Variants in ZC3H12B observed in about 807,000 individuals in gnomAD.
ZC3H12B encodes probable ribonuclease ZC3H12B.
In ZC3H12B, 7 loss-of-function variants were observed where a neutral mutation model predicts 43.9. That is an observed-to-expected ratio of 0.16 (90% CI 0.09 to 0.30). The LOEUF (loss-of-function observed/expected upper bound fraction) is 0.30, where lower values mean the gene tolerates loss of function less well. ZC3H12B is among the 10% of genes least tolerant of loss of function. The pLI, the probability that ZC3H12B is intolerant of heterozygous loss-of-function variation, is 1.00. For synonymous variants in ZC3H12B, 222 were observed against 241.7 expected (o/e 0.92, Z 0.76); for missense variants, 475 against 670.2 (o/e 0.71, Z 3.22).
chrX:65,244,524 C>T, the ZC3H12B span, among the ~76,000 whole-genome samples: 2,760 of 108,226 alleles, frequency 0.026, 98 homozygotes, highest in African/African-American at 0.089. Context: ...GCAGAAGGAT[C>T]GCTTGAGCTC....
At chrX:65,341,064 C>G in the ZC3H12B span, among the ~76,000 whole-genome samples, 1 of 111,722 alleles carries the variant, frequency 9.0e-6, no homozygotes, top group African/African-American at 3.3e-5. Flanking sequence ...ATAATGCAAT[C>G]AAAAGTATTA....
chrX:65,478,408 A>G (rs1037550763), intron 3 of ZC3H12B, among the ~76,000 whole-genome samples: 8 of 111,396 alleles, frequency 7.2e-5, no homozygotes, highest in Non-Finnish European at 1.3e-4. Context: ...TTCTTTGCAT[A>G]TCTCATAATT....
At chrX:65,089,338 G>A in the ZC3H12B span, among the ~76,000 whole-genome samples, 1 of 111,625 alleles carries the variant, frequency 9.0e-6, no homozygotes, top group Non-Finnish European at 1.9e-5. Flanking sequence ...AATACTATAG[G>A]CAAATGTAAC....
At chrX:65,503,601 C>CCA (rs1375741368) in exon 5 of ZC3H12B, 2 of 116,482 alleles carry the variant, frequency 1.7e-5, no homozygotes, top group African/African-American at 7.0e-5. Context: ...TTTCTCTTTT[C>CCA]GTTTCTTTCT....
chrX:65,490,810 G>C (rs962229470), intron 1 of ZC3H12B, among the ~76,000 whole-genome samples: 1 of 111,037 alleles, frequency 9.0e-6, no homozygotes, highest in Non-Finnish European at 1.9e-5. Flanking sequence ...TAGGCAATCA[G>C]AACAAAGTGA....
At chrX:65,047,714 G>A in the ZC3H12B span, among the ~76,000 whole-genome samples, 2 of 110,237 alleles carry the variant, frequency 1.8e-5, no homozygotes, top group African/African-American at 6.6e-5. Context: ...ATATTTCAAT[G>A]ATATATATTT....
chrX:65,413,000 G>T (rs1026722320), intron 3 of ZC3H12B, among the ~76,000 whole-genome samples: 2 of 110,718 alleles, frequency 1.8e-5, no homozygotes, highest in African/African-American at 6.6e-5. Context: ...TGAGAGTGAA[G>T]TTGTACTCTA....
chrX:65,074,932 C>A, the ZC3H12B span, among the ~76,000 whole-genome samples: 3 of 112,174 alleles, frequency 2.7e-5, no homozygotes, highest in Admixed American at 2.8e-4. Flanking sequence ...ATTCATATAT[C>A]TCCTTTAGGG....
the ZC3H12B span, among the ~76,000 whole-genome samples, chrX:65,153,971 A>T: frequency 4.5e-5 from 5 of 111,130 alleles, no homozygotes; most frequent in Non-Finnish European, 9.4e-5. Flanking sequence ...TCAGTAAACT[A>T]TTGCAAGGAC....
At chrX:65,098,994 A>C in the ZC3H12B span, among the ~76,000 whole-genome samples, 1 of 111,443 alleles carries the variant, frequency 9.0e-6, no homozygotes, top group African/African-American at 3.3e-5. Flanking sequence ...TGAAATTCTC[A>C]CTGTCGGCAG....
At chrX:65,139,078 G>A in the ZC3H12B span, among the ~76,000 whole-genome samples, 1 of 112,298 alleles carries the variant, frequency 8.9e-6, no homozygotes, top group Admixed American at 9.4e-5. Flanking sequence ...CAGCTGTGCA[G>A]AAGCTTTTTA....
At chrX:65,227,997 A>T in the ZC3H12B span, among the ~76,000 whole-genome samples, 9,023 of 111,439 alleles carry the variant, frequency 0.081, 1,004 homozygotes, top group African/African-American at 0.29. Flanking sequence ...TATTCCAATC[A>T]AAAGAAAAAG....
chrX:65,454,359 C>T (rs1017642033), intron 3 of ZC3H12B, among the ~76,000 whole-genome samples: 1 of 112,323 alleles, frequency 8.9e-6, no homozygotes, highest in African/African-American at 3.2e-5. Flanking sequence ...GAGGGTCCTA[C>T]ACCCACAGAG....
At chrX:65,413,745 AT>A (rs1220525296) in intron 3 of ZC3H12B, among the ~76,000 whole-genome samples, 1 of 111,432 alleles carries the variant, frequency 9.0e-6, no homozygotes, top group African/African-American at 3.3e-5. Flanking sequence ...CTTTTTAAAG[AT>A]TTTTTTTGTG....
the ZC3H12B span, among the ~76,000 whole-genome samples, chrX:65,263,940 GA>G: frequency 2.7e-5 from 3 of 111,256 alleles, no homozygotes; most frequent in Non-Finnish European, 3.8e-5. Context: ...AGCAGAAAAA[GA>G]AAGTGTACTC....
the ZC3H12B span, among the ~76,000 whole-genome samples, chrX:65,067,968 T>C: frequency 9.0e-5 from 10 of 111,478 alleles, no homozygotes; most frequent in African/African-American, 2.9e-4. Context: ...TTTTTCAATT[T>C]TTTTTCTTAA....
intron 2 of ZC3H12B, among the ~76,000 whole-genome samples, chrX:65,393,765 G>A (rs1314829209): frequency 9.0e-6 from 1 of 111,505 alleles, no homozygotes; most frequent in Admixed American, 9.5e-5. Flanking sequence ...GATGCTTGAG[G>A]AATCGCCACA....
chrX:65,163,268 G>A, the ZC3H12B span, among the ~76,000 whole-genome samples: 1 of 111,453 alleles, frequency 9.0e-6, no homozygotes, highest in African/African-American at 3.3e-5. Flanking sequence ...ATCTCCAGCT[G>A]CGTGATGGGA....
At chrX:65,264,320 T>C in the ZC3H12B span, among the ~76,000 whole-genome samples, 3 of 111,322 alleles carry the variant, frequency 2.7e-5, no homozygotes, top group Non-Finnish European at 5.7e-5. Context: ...CAAAAAAAAA[T>C]TGAGTGTTTT....
Sources: gnomAD v4.1 joint callset for allele counts (sites outside exome capture counted in the v4.1 genomes callset) on GRCh38, gnomAD v4.1.1 for gene constraint, MANE v1.5 for transcripts, NCBI Gene and HGNC (gene_info 2026-07-23, HGNC 2026-07-21) for gene names.